SYNPR: variants seen among roughly 807,000 people sequenced by gnomAD.
SYNPR encodes the protein synaptoporin.
In SYNPR, 23 loss-of-function variants were observed where a neutral mutation model predicts 32.9. The observed-to-expected ratio is 0.70, with a 90% CI of 0.50 to 0.99. The LOEUF (loss-of-function observed/expected upper bound fraction) is 0.99. Among genes scored for constraint, SYNPR ranks in the 50% least tolerant of loss-of-function variants. The probability of loss-of-function intolerance (pLI) is 0.00; values close to 1 mark genes in which losing one functional copy is unlikely to be tolerated. For missense variants in SYNPR, 318 were observed against 349.3 expected, an observed-to-expected ratio of 0.91 and a Z score of 0.71; for synonymous variants, 146 against 135.9, an observed-to-expected ratio of 1.07 and a Z score of -0.52.
chr3:63,308,778 A>G (rs776183095), intron 2 of SYNPR, among the ~76,000 whole-genome samples: 2 of 151,812 alleles, frequency 1.3e-5, no homozygotes, highest in Non-Finnish European at 1.5e-5. Context: ...TTTAACTATG[A>G]TGTACTTTGG....
intron 3 of SYNPR, among the ~76,000 whole-genome samples, chr3:63,494,778 T>C (rs1174619537): frequency 6.6e-6 from 1 of 151,986 alleles, no homozygotes; most frequent in Non-Finnish European, 1.5e-5. Flanking sequence ...GGCAAGGCCA[T>C]ACTTAGAATG....
intron 4 of SYNPR, among the ~76,000 whole-genome samples, chr3:63,572,632 T>G (rs1024410915): frequency 6.6e-6 from 1 of 152,144 alleles, no homozygotes; most frequent in Non-Finnish European, 1.5e-5. Context: ...TTTGTGAAAG[T>G]GGAAAATAAT....
intron 2 of SYNPR, among the ~76,000 whole-genome samples, chr3:63,441,102 C>G (rs1224166650): frequency 6.6e-6 from 1 of 152,154 alleles, no homozygotes; most frequent in African/African-American, 2.4e-5. Flanking sequence ...TTAGCTTTAC[C>G]AGGTATTGAC....
In SYNPR at chr3:63,294,381, G is replaced by A. The variant is rs115848270; in HGVS notation, c.84+15639G>A. ...TGATAGTGGAAATGAAATCTTGATT[G>A]ACTTTGTACTCTAATTTTGCAATGA... On this transcript the variant is annotated intron_variant, in intron 2 of 5. Transcript: ENST00000478300. 9.2e-3 allele frequency among the ~76,000 whole-genome samples: 1,393 copies of A among 152,236 alleles called. 25 individuals are homozygous for A. Among genetic ancestry groups the A allele is most frequent in the African/African-American group, 0.03 (1,266 of 41,546 alleles).
chr3:63,377,948 G>T (rs1575616134), intron 2 of SYNPR, among the ~76,000 whole-genome samples: 1 of 151,844 alleles, frequency 6.6e-6, no homozygotes, highest in South Asian at 2.1e-4. Flanking sequence ...AGAAAGTAAA[G>T]AATAAAAATT....
At chr3:63,545,109 A>G (rs575117923) in intron 3 of SYNPR, among the ~76,000 whole-genome samples, 68 of 152,136 alleles carry the variant, frequency 4.5e-4, no homozygotes, top group African/African-American at 1.6e-3. Context: ...GCTGGAAATA[A>G]CATTTCATTG....
At chr3:63,479,385 G>T (rs1700997142) in intron 2 of SYNPR, among the ~76,000 whole-genome samples, 1 of 151,646 alleles carries the variant, frequency 6.6e-6, no homozygotes, top group Non-Finnish European at 1.5e-5. Flanking sequence ...TTTTGGTCAA[G>T]TTCTTTCCAT....
At chr3:63,493,406 C>T (rs796582578) in intron 3 of SYNPR, among the ~76,000 whole-genome samples, 85 of 152,208 alleles carry the variant, frequency 5.6e-4, no homozygotes, top group African/African-American at 1.9e-3. Flanking sequence ...ATTCCCCTTC[C>T]AGTATCCCAC....
At chr3:63,347,625 C>T (rs1285619039) in intron 2 of SYNPR, among the ~76,000 whole-genome samples, 1 of 152,128 alleles carries the variant, frequency 6.6e-6, no homozygotes, top group Non-Finnish European at 1.5e-5. Context: ...TCATCCCTCA[C>T]CCTCCACCCT....
At chr3:63,481,471 G>GTGTGTA (rs1392451134) in intron 3 of SYNPR, among the ~76,000 whole-genome samples, 2 of 151,436 alleles carry the variant, frequency 1.3e-5, no homozygotes, top group Admixed American at 1.3e-4. Context: ...GTGTGTGTGT[G>GTGTGTA]TATACATATA....
intron 2 of SYNPR, among the ~76,000 whole-genome samples, chr3:63,309,875 C>T (rs2086945691): frequency 6.6e-6 from 1 of 152,030 alleles, no homozygotes; most frequent in African/African-American, 2.4e-5. Flanking sequence ...GTTTCCCAGA[C>T]ATGCATATGC....
At chr3:63,517,124 T>C (rs1701815285) in intron 3 of SYNPR, among the ~76,000 whole-genome samples, 1 of 152,134 alleles carries the variant, frequency 6.6e-6, no homozygotes, top group South Asian at 2.1e-4. Flanking sequence ...TAGACCTAGA[T>C]GTTTTGTAAA....
intron 4 of SYNPR, among the ~76,000 whole-genome samples, chr3:63,564,203 T>C (rs1362585733): frequency 6.7e-6 from 1 of 149,704 alleles, no homozygotes; most frequent in African/African-American, 2.5e-5. Flanking sequence ...TTCTTTTTTT[T>C]TTTTTTTGAG....
chr3:63,417,926 T>C (rs547936547), intron 2 of SYNPR, among the ~76,000 whole-genome samples: 1 of 152,332 alleles, frequency 6.6e-6, no homozygotes, highest in African/African-American at 2.4e-5. Context: ...CCCTCTGACA[T>C]ACTCTGGAGA....
intron 2 of SYNPR, among the ~76,000 whole-genome samples, chr3:63,256,638 T>C (rs1049382013): frequency 9.2e-5 from 14 of 151,996 alleles, no homozygotes; most frequent in Admixed American, 8.5e-4. Flanking sequence ...GCAGAAAAAT[T>C]GGAAACTCTA....
intron 4 of SYNPR, among the ~76,000 whole-genome samples, chr3:63,591,198 A>G (rs1006038212): frequency 6.8e-6 from 1 of 146,208 alleles, no homozygotes. Flanking sequence ...CAAAAAACAC[A>G]TGAAAAAATG....
the SYNPR span, among the ~76,000 whole-genome samples, chr3:63,218,774 C>G: frequency 6.6e-6 from 1 of 152,054 alleles, no homozygotes; most frequent in Admixed American, 6.5e-5. Context: ...TCTGTGTTCC[C>G]CAAATTATAT....
intron 2 of SYNPR, among the ~76,000 whole-genome samples, chr3:63,360,649 A>G (rs184900429): frequency 6.6e-6 from 1 of 152,276 alleles, no homozygotes; most frequent in African/African-American, 2.4e-5. Context: ...TTCTTTGAAC[A>G]TACTAGTTCA....
intron 2 of SYNPR, among the ~76,000 whole-genome samples, chr3:63,328,237 G>T (rs2087188157): frequency 1.3e-5 from 2 of 152,236 alleles, no homozygotes; most frequent in South Asian, 4.1e-4. Flanking sequence ...AAATGAGAGT[G>T]CCTTCTCAGG....
Sources: allele counts gnomAD v4.1 joint callset (sites outside exome capture counted in the v4.1 genomes callset), GRCh38; gene constraint gnomAD v4.1.1; transcripts MANE v1.5; gene names NCBI Gene and HGNC (gene_info 2026-07-23, HGNC 2026-07-21).